The following CCDC178 variants were observed in gnomAD, a reference collection of about 807,000 sequenced individuals.
The protein encoded by CCDC178 is coiled-coil domain containing 178, also known as coiled-coil domain-containing protein 178.
A neutral mutation model predicts 117.4 loss-of-function variants in CCDC178; 126 were observed. The observed-to-expected ratio is 1.07, with a 90% CI of 0.93 to 1.24. The LOEUF (loss-of-function observed/expected upper bound fraction) is 1.24, where lower values mean the gene tolerates loss of function less well. CCDC178 is among the 50% of genes most tolerant of loss of function. CCDC178 has a pLI of 0.00. For synonymous variants in CCDC178, 283 were observed against 313.4 expected (o/e 0.90, Z 1.02); for missense variants, 1,030 against 986.9 (o/e 1.04, Z -0.59).
intron 20 of CCDC178, among the ~76,000 whole-genome samples, chr18:33,110,337 G>A (rs550091160): frequency 4.6e-5 from 7 of 151,668 alleles, no homozygotes; most frequent in African/African-American, 1.7e-4. Context: ...CTCCTAAGAT[G>A]TAACTTGTCT....
At chr18:33,223,323 T>C in intron 17 of CCDC178, 104 bp from the exon 18 acceptor site, 1 of 1,250,338 alleles carries the variant, frequency 8.0e-7, no homozygotes, top group South Asian at 2.0e-5. Context: ...ACAGCATTTA[T>C]TTTGGCAAAT....
intron 15 of CCDC178, among the ~76,000 whole-genome samples, chr18:33,238,352 T>C (rs2059449771): frequency 1.3e-5 from 2 of 151,574 alleles, no homozygotes; most frequent in Admixed American, 1.3e-4. Flanking sequence ...AAAATAATAA[T>C]CATAAGGAAA....
intron 19 of CCDC178, 97 bp downstream of exon 19, chr18:33,215,453 C>T (rs951500656): frequency 1.9e-5 from 14 of 752,474 alleles, no homozygotes; most frequent in African/African-American, 3.7e-5. Flanking sequence ...ATTAAAAATA[C>T]GAACCATTTT....
chr18:32,942,094 T>C (rs1462850654), intron 22 of CCDC178, among the ~76,000 whole-genome samples: 1 of 152,138 alleles, frequency 6.6e-6, no homozygotes, highest in African/African-American at 2.4e-5. Context: ...ACTCAGTAGT[T>C]ATGGTCATCT....
chr18:32,970,997 T>A (rs182409069), intron 22 of CCDC178, among the ~76,000 whole-genome samples: 1 of 152,158 alleles, frequency 6.6e-6, no homozygotes, highest in East Asian at 1.9e-4. Flanking sequence ...ATTTATATTT[T>A]ATTATTTATG....
chr18:33,398,780 CAA>C lies in CCDC178; in HGVS notation c.59-1574_59-1573del, dbSNP rs2063672956. Among the ~76,000 whole-genome samples the C allele has an allele frequency of 2.6e-5, 4 of 152,092 alleles. No individual in the cohort carries two copies. In the South Asian group the frequency reaches 8.3e-4, roughly 32 times the overall value. On this transcript the variant is annotated intron_variant, in intron 3 of 22. Transcript: ENST00000383096. The stretch of plus-strand genomic sequence containing the variant: ...GACAACTGCAATAAAGTGAGTCATA[CAA>C]AGTGTTTGGTCTCCAAAAGCATATA...
intron 1 of CCDC178, 51 bp downstream of exon 1, chr18:33,440,602 C>G (rs1327267672): frequency 2.0e-5 from 3 of 148,466 alleles, no homozygotes; most frequent in African/African-American, 5.2e-5. Flanking sequence ...CGGCAGCGCC[C>G]CGCGCCGAGG....
At chr18:33,269,259 T>C (rs1482988539) in intron 12 of CCDC178, among the ~76,000 whole-genome samples, 2 of 151,684 alleles carry the variant, frequency 1.3e-5, no homozygotes, top group Non-Finnish European at 2.9e-5. Flanking sequence ...TGGCTAAAAA[T>C]TGGAACAAAC....
chr18:33,380,961 C>T (rs2063432629), intron 5 of CCDC178, among the ~76,000 whole-genome samples: 1 of 101,798 alleles, frequency 9.8e-6, no homozygotes, highest in Admixed American at 1.2e-4. Flanking sequence ...TAAAACTAAA[C>T]TCATCTTCCC....
intron 21 of CCDC178, among the ~76,000 whole-genome samples, chr18:32,977,002 G>A (rs2055042152): frequency 1.3e-5 from 2 of 152,206 alleles, no homozygotes; most frequent in Admixed American, 1.3e-4. Context: ...TGGAGGCTCT[G>A]AAGAGATTAG....
At chr18:33,104,602 G>C (rs890263224) in intron 20 of CCDC178, among the ~76,000 whole-genome samples, 2 of 151,638 alleles carry the variant, frequency 1.3e-5, no homozygotes, top group African/African-American at 4.8e-5. Context: ...CCACATTAAG[G>C]TGTGGAAATA....
At chr18:33,082,462 C>T (rs559721723) in intron 21 of CCDC178, among the ~76,000 whole-genome samples, 8 of 152,062 alleles carry the variant, frequency 5.3e-5, no homozygotes, top group African/African-American at 1.4e-4. Flanking sequence ...ACAGTGAGAC[C>T]CCCATATCAA....
chr18:33,368,286 T>G (rs983657799), intron 6 of CCDC178, among the ~76,000 whole-genome samples: 1 of 151,964 alleles, frequency 6.6e-6, no homozygotes, highest in Non-Finnish European at 1.5e-5. Context: ...ATGGAGTGGA[T>G]AGGTGCCTCA....
At chr18:33,327,097 G>A (rs1422353923) in intron 10 of CCDC178, among the ~76,000 whole-genome samples, 1 of 152,050 alleles carries the variant, frequency 6.6e-6, no homozygotes, top group Non-Finnish European at 1.5e-5. Context: ...AACAAAACAT[G>A]ACAAACAAAA....
intron 20 of CCDC178, among the ~76,000 whole-genome samples, chr18:33,202,756 A>G (rs1345385674): frequency 1.3e-5 from 2 of 152,178 alleles, no homozygotes; most frequent in Non-Finnish European, 2.9e-5. Flanking sequence ...TGAGCACATT[A>G]CACTCCACAA....
intron 15 of CCDC178, among the ~76,000 whole-genome samples, chr18:33,244,970 AACTGAGC>A (rs2059530790): frequency 1.3e-5 from 2 of 151,960 alleles, no homozygotes; most frequent in African/African-American, 4.8e-5. Flanking sequence ...GATAAAGATG[AACTGAGC>A]ACCACACTCC....
At chr18:33,282,728 C>T (rs926485158) in intron 12 of CCDC178, among the ~76,000 whole-genome samples, 2 of 152,166 alleles carry the variant, frequency 1.3e-5, no homozygotes, top group African/African-American at 4.8e-5. Context: ...GCTTTACTTG[C>T]CCTGCCAGCA....
chr18:33,073,911 C>A (rs1363258164), intron 21 of CCDC178, among the ~76,000 whole-genome samples: 1 of 152,042 alleles, frequency 6.6e-6, no homozygotes, highest in African/African-American at 2.4e-5. Flanking sequence ...GACTTTCAAT[C>A]TAGTGATTAA....
At chr18:32,981,635 T>A (rs2055156777) in intron 21 of CCDC178, among the ~76,000 whole-genome samples, 2 of 152,224 alleles carry the variant, frequency 1.3e-5, no homozygotes, top group Admixed American at 1.3e-4. Flanking sequence ...TTTATTATAA[T>A]TTGTTTGTTA....
Sources: gnomAD v4.1 joint callset for allele counts (sites outside exome capture counted in the v4.1 genomes callset) on GRCh38, gnomAD v4.1.1 for gene constraint, MANE v1.5 for transcripts, NCBI Gene and HGNC (gene_info 2026-07-23, HGNC 2026-07-21) for gene names.